The following APLF variants were observed in gnomAD, a reference collection of about 807,000 sequenced individuals.
The protein encoded by APLF is aprataxin and PNKP like factor.
In APLF, 61 loss-of-function variants were observed where a neutral mutation model predicts 55.6. That is an observed-to-expected ratio of 1.10 (90% confidence interval 0.89 to 1.36). The LOEUF (loss-of-function observed/expected upper bound fraction) is 1.36, where lower values mean the gene tolerates loss of function less well. Among genes scored for constraint, APLF ranks in the 40% most tolerant of loss-of-function variants. APLF has a pLI of 0.00. For synonymous variants in APLF, 207 were observed against 214.8 expected (o/e 0.96, Z 0.32); for missense variants, 611 against 602.5 (o/e 1.01, Z -0.15).
chr2:68,553,964 T>G (rs1486643995), intron 8 of APLF, among the ~76,000 whole-genome samples: 1 of 152,098 alleles, frequency 6.6e-6, no homozygotes, highest in African/African-American at 2.4e-5. Flanking sequence ...CAAGTCAGTT[T>G]CCTTTTTTAT....
At chr2:68,483,875 A>G (rs1399763858) in intron 1 of APLF, among the ~76,000 whole-genome samples, 5 of 152,192 alleles carry the variant, frequency 3.3e-5, no homozygotes, top group Non-Finnish European at 7.3e-5. Flanking sequence ...CCTGTCTATG[A>G]TGTTCAGAAA....
intron 5 of APLF, among the ~76,000 whole-genome samples, chr2:68,517,080 T>C (rs1372259219): frequency 8.1e-6 from 1 of 122,972 alleles, no homozygotes; most frequent in African/African-American, 3.3e-5. Flanking sequence ...TAATATATAA[T>C]ATGTTATTAA....
At chr2:68,516,954 TA>T in intron 5 of APLF, among the ~76,000 whole-genome samples, 1 of 125,666 alleles carries the variant, frequency 8.0e-6, no homozygotes, top group East Asian at 2.1e-4. Flanking sequence ...ATATATAATA[TA>T]ATATATAATA....
intron 3 of APLF, among the ~76,000 whole-genome samples, chr2:68,504,185 A>G (rs1676805719): frequency 6.6e-6 from 1 of 152,058 alleles, no homozygotes; most frequent in Non-Finnish European, 1.5e-5. Flanking sequence ...TTCATAATTT[A>G]AGTATTTCCC....
At chr2:68,489,507 T>G (rs935362166) in intron 1 of APLF, among the ~76,000 whole-genome samples, 7 of 152,244 alleles carry the variant, frequency 4.6e-5, no homozygotes, top group African/African-American at 1.7e-4. Flanking sequence ...GCAAACAATT[T>G]TTGAACTTTG....
chr2:68,493,851 G>A (rs1676450865), intron 2 of APLF, among the ~76,000 whole-genome samples: 1 of 151,878 alleles, frequency 6.6e-6, no homozygotes, highest in Non-Finnish European at 1.5e-5. Flanking sequence ...GCTCACGCCT[G>A]TAATCCCAGC....
At chr2:68,508,351 T>C (rs1038161393) in intron 3 of APLF, among the ~76,000 whole-genome samples, 1 of 151,736 alleles carries the variant, frequency 6.6e-6, no homozygotes, top group Non-Finnish European at 1.5e-5. Flanking sequence ...GTCAAGACAA[T>C]TAAATGGGGG....
chr2:68,530,574 G>A (rs1670226428), intron 6 of APLF, among the ~76,000 whole-genome samples: 2 of 152,102 alleles, frequency 1.3e-5, no homozygotes, highest in Admixed American at 6.6e-5. Context: ...AGTTTCTCTG[G>A]TCTTCCTGGA....
Position 68,518,277 on chromosome 2 carries a change from T to C in APLF, c.622+4597T>C, listed in dbSNP as rs1235905016. 3.4e-5 allele frequency among the ~76,000 whole-genome samples: 4 copies of C among 116,116 alleles called. No homozygotes were observed. In the East Asian group the frequency reaches 7.3e-4, roughly 21 times the overall value. The allele number at this position is 116,116 out of a possible 152,430, so 76.2% of individuals were successfully genotyped here. A position where few individuals can be genotyped will look rare whatever the true frequency, so the allele number is the denominator to read the frequency against. ...ATATTATGAATAGATAATATATCAGTATATAATATTAATATATTAATATAT... is the reference window on the plus strand; with the variant it reads ...ATATTATGAATAGATAATATATCAGCATATAATATTAATATATTAATATAT... On this transcript the variant is annotated intron_variant, in intron 5 of 9. Transcript: ENST00000303795.
chr2:68,544,811 G>T (rs576690098), intron 7 of APLF, among the ~76,000 whole-genome samples: 130 of 152,278 alleles, frequency 8.5e-4, no homozygotes, highest in African/African-American at 3.1e-3. Flanking sequence ...TATCTTAGCA[G>T]AGGGTACAAT....
At chr2:68,512,335 A>G (rs759424578) in intron 3 of APLF, among the ~76,000 whole-genome samples, 2 of 151,656 alleles carry the variant, frequency 1.3e-5, no homozygotes, top group African/African-American at 2.4e-5. Flanking sequence ...CACTTAGCAA[A>G]ATGCCTTTGG....
intron 1 of APLF, 132 bp from the exon 2 acceptor site, chr2:68,490,058 T>A (rs1395056714): frequency 1.9e-5 from 10 of 529,402 alleles, no homozygotes; most frequent in Non-Finnish European, 3.2e-5. Flanking sequence ...TATACAGTTG[T>A]TGAATGAATG....
intron 8 of APLF, among the ~76,000 whole-genome samples, chr2:68,560,931 C>T (rs1374715449): frequency 6.6e-6 from 1 of 151,862 alleles, no homozygotes; most frequent in African/African-American, 2.4e-5. Context: ...AGGTATTTTG[C>T]CTTGTTATGA....
chr2:68,545,544 T>G (rs1670681739), intron 8 of APLF, among the ~76,000 whole-genome samples: 1 of 152,226 alleles, frequency 6.6e-6, no homozygotes, highest in Non-Finnish European at 1.5e-5. Context: ...ATTTCCAACT[T>G]TCTGTAATGC....
chr2:68,527,251 G>A (rs1244646097), intron 6 of APLF, among the ~76,000 whole-genome samples: 5 of 142,194 alleles, frequency 3.5e-5, no homozygotes, highest in Admixed American at 7.0e-5. Context: ...TTTCCCAGAC[G>A]GTGAGGAGGC....
rs182159455 is a variant in APLF at position 68,560,413 on chromosome 2, C to G, written c.1287-6928C>G. The stretch of plus-strand genomic sequence containing the variant: ...ATTTAAACATGGTTTGTAGGAGCAT[C>G]ATCAGGAAATATTAGGGTCAAATTT... On this transcript the variant is annotated intron_variant, in intron 8 of 9. Coordinates refer to ENST00000303795, the MANE Select transcript of APLF (RefSeq NM_173545.3). 2.2e-3 allele frequency among the ~76,000 whole-genome samples: 332 copies of G among 149,298 alleles called. 3 individuals carry two copies. The highest frequency in any genetic ancestry group is 7.4e-3 in the African/African-American group (293 of 39,670).
chr2:68,518,258 T>C (rs1002156815), intron 5 of APLF, among the ~76,000 whole-genome samples: 39 of 118,334 alleles, frequency 3.3e-4, no homozygotes, highest in African/African-American at 1.3e-3. Flanking sequence ...TAATATATTA[T>C]GAATAGATAA....
intron 8 of APLF, among the ~76,000 whole-genome samples, chr2:68,548,203 A>T (rs1670758500): frequency 6.6e-6 from 1 of 151,882 alleles, no homozygotes; most frequent in African/African-American, 2.4e-5. Flanking sequence ...TTATTTTCTA[A>T]AACAAGAAAC....
At chr2:68,517,596 A>G (rs1424884749) in intron 5 of APLF, among the ~76,000 whole-genome samples, 2 of 144,160 alleles carry the variant, frequency 1.4e-5, no homozygotes, top group Non-Finnish European at 3.0e-5. Flanking sequence ...TGTAATTAAC[A>G]TGTAACAGTA....
Sources: allele counts gnomAD v4.1 joint callset (sites outside exome capture counted in the v4.1 genomes callset), GRCh38; gene constraint gnomAD v4.1.1; transcripts MANE v1.5; gene names NCBI Gene and HGNC (gene_info 2026-07-23, HGNC 2026-07-21).